Variants in JAKMIP1 observed in about 807,000 individuals in gnomAD.
The protein encoded by JAKMIP1 is janus kinase and microtubule-interacting protein 1.
Under a neutral mutation model 113.0 loss-of-function variants are expected in JAKMIP1, and 33 were observed. The ratio of observed to expected loss-of-function variants is 0.29; its 90% CI spans 0.22 to 0.39. The LOEUF (loss-of-function observed/expected upper bound fraction) is 0.39. JAKMIP1 is among the 10% of genes least tolerant of loss of function. The pLI, the probability that JAKMIP1 is intolerant of heterozygous loss-of-function variation, is 1.00. For synonymous variants in JAKMIP1, 480 were observed against 459.9 expected, an observed-to-expected ratio of 1.04 and a Z score of -0.56; for missense variants, 813 against 1,080.5, an observed-to-expected ratio of 0.75 and a Z score of 3.47.
intron 12 of JAKMIP1, chr4:6,054,635 C>A: frequency 2.4e-6 from 1 of 414,984 alleles, no homozygotes; most frequent in Non-Finnish European, 4.9e-6. Flanking sequence ...CAGAAGAAGC[C>A]GTAAAGGCAG....
At chr4:6,125,349 A>T (rs1287695562) in intron 1 of JAKMIP1, among the ~76,000 whole-genome samples, 1 of 152,028 alleles carries the variant, frequency 6.6e-6, no homozygotes, top group African/African-American at 2.4e-5. Context: ...CCCTCCCCGC[A>T]GACAGGGCCA....
chr4:6,146,581 A>G (rs1002381625), intron 1 of JAKMIP1, among the ~76,000 whole-genome samples: 4 of 152,196 alleles, frequency 2.6e-5, no homozygotes, highest in Non-Finnish European at 5.9e-5. Context: ...GGCATGAGCC[A>G]CTGTGCCCAG....
chr4:6,039,933 CA>C (rs1374896485), intron 18 of JAKMIP1, among the ~76,000 whole-genome samples: 1 of 152,122 alleles, frequency 6.6e-6, no homozygotes, highest in Non-Finnish European at 1.5e-5. Context: ...ATTTTAACTA[CA>C]AATGATCTGG....
chr4:6,111,022 C>G (rs1428934726), intron 2 of JAKMIP1, among the ~76,000 whole-genome samples: 1 of 152,054 alleles, frequency 6.6e-6, no homozygotes, highest in African/African-American at 2.4e-5. Flanking sequence ...ATCTTGAACA[C>G]CTAGGGATGG....
Position 6,069,385 on chromosome 4 carries a change from T to G in JAKMIP1, c.1303-4377A>C, listed in dbSNP as rs1296105551. On this transcript the variant is annotated intron_variant, in intron 8 of 20. Transcript: ENST00000409021. This position sits in a 1 kb window ranked among gnomAD's most constrained non-coding sequence, Gnocchi z 4.5. ...GAATAAAAAGGTAATTCCTCTAGCC[T>G]TCCATGTTCCTTGCAACCAAAGCCT... 1.3e-5 allele frequency among the ~76,000 whole-genome samples: 2 copies of G among 152,246 alleles called. No individual in the cohort carries two copies. Among genetic ancestry groups the G allele is most frequent in the Admixed American group, 6.5e-5 (1 of 15,288 alleles).
chr4:6,080,296 G>C lies in JAKMIP1; in HGVS notation c.1118C>G (p.Ala373Gly). 6.2e-7 allele frequency: 1 copy of C among 1,613,962 alleles called. No individual in the cohort carries two copies. The change falls in exon 7 of 21, where the codon GCG (alanine) becomes GGG (glycine). Residue 373 changes from alanine (A) to glycine (G), a missense_variant. Physicochemically the swap from Ala to Gly is moderately conservative, Grantham distance 60 (BLOSUM62 0). Transcript: ENST00000409021. This position sits in a 1 kb window ranked among gnomAD's most constrained non-coding sequence, Gnocchi z 6.0. ...GGTATGCCGCTTCAGAGACGCCTGC[G>C]CTGACAGCTTTTCTTTCTGCAGCCA... ...ENVEMKEKLS[A>G]QASLKRHTSL...
rs1256487851 is a variant in JAKMIP1 at position 6,122,280 on chromosome 4, C to T, written c.-147-9283G>A. Among the ~76,000 whole-genome samples the T allele has an allele frequency of 2.0e-5, 3 of 152,198 alleles. No individual in the cohort carries two copies. In the South Asian group the frequency reaches 6.2e-4, roughly 32 times the overall value. On this transcript the variant is annotated intron_variant, in intron 1 of 20. Transcript: ENST00000409021. ...GGCAGAGGTTGCAGTGAGCCGAGATCGAACCACTGCACTCCAGCCTGGGCG... is the reference window on the plus strand; with the variant it reads ...GGCAGAGGTTGCAGTGAGCCGAGATTGAACCACTGCACTCCAGCCTGGGCG...
chr4:6,064,891 C>A lies in JAKMIP1; in HGVS notation c.1420G>T (p.Asp474Tyr), dbSNP rs1560130513. 20 of 1,614,104 alleles carry A rather than the reference C, an allele frequency of 1.2e-5. No individual in the cohort carries two copies. Among genetic ancestry groups the A allele is most frequent in the Non-Finnish European group, 1.4e-5 (17 of 1,180,028 alleles). ...TDRTPATPEE[D>Y]LDDATAREEA... is the part of the protein sequence containing the mutation. ...GCAGGTTTGCTTACATCGTCCAAGT[C>A]TTCTTCGGGCGTGGCTGGGGTCCTG... The change falls in exon 9 of 21, where the codon GAC becomes TAC. Residue 474 changes from aspartate (D) to tyrosine (Y), a missense_variant. Physicochemically the swap from Asp to Tyr is radical, Grantham distance 160. Transcript: ENST00000409021. This position sits in a 1 kb window ranked among gnomAD's most constrained non-coding sequence, Gnocchi z 4.3.
Position 6,036,110 on chromosome 4 carries a change from G to A in JAKMIP1, c.2176-3C>T. On this transcript the variant is annotated splice_polypyrimidine_tract_variant and splice_region_variant and intron_variant, in intron 18 of 20. Transcript: ENST00000409021. ...GTGGCCTCCAGGTCTTGGATTTTCTGAGGACCCCAGATCACACAGACAGAG... is the reference window on the plus strand; with the variant it reads ...GTGGCCTCCAGGTCTTGGATTTTCTAAGGACCCCAGATCACACAGACAGAG... The A allele has an allele frequency of 1.3e-6, 2 of 1,545,592 alleles. No individual in the cohort carries two copies. Among genetic ancestry groups the A allele is most frequent in the Non-Finnish European group, 1.8e-6 (2 of 1,141,794 alleles).
intron 1 of JAKMIP1, among the ~76,000 whole-genome samples, chr4:6,182,231 G>A (rs57280448): frequency 3.3e-5 from 5 of 151,856 alleles, no homozygotes; most frequent in African/African-American, 1.2e-4. Flanking sequence ...GCAACATAAT[G>A]AGACCTCATC....
At chr4:6,123,011 A>T (rs1320140766) in intron 1 of JAKMIP1, among the ~76,000 whole-genome samples, 4 of 152,240 alleles carry the variant, frequency 2.6e-5, no homozygotes. Context: ...TAACAATTAT[A>T]ATGACTTAAT....
In JAKMIP1 at chr4:6,031,230, C is replaced by T. The variant is rs550725767; in HGVS notation, c.2380-1449G>A. On this transcript the variant is annotated intron_variant, in intron 19 of 20. Transcript: ENST00000409021. This position sits in a 1 kb window ranked among gnomAD's most constrained non-coding sequence, Gnocchi z 4.4. Reference sequence around the variant, plus strand: ...GGTGGATCACCGGAGGTCAGGAGTTCAAGACCAGCCTGACCAACATGGTGA... The same window carrying T: ...GGTGGATCACCGGAGGTCAGGAGTTTAAGACCAGCCTGACCAACATGGTGA... 6.6e-6 allele frequency among the ~76,000 whole-genome samples: 1 copy of T among 152,224 alleles called. No individual in the cohort carries two copies. Among genetic ancestry groups the T allele is most frequent in the Admixed American group, 6.5e-5 (1 of 15,302 alleles).
chr4:6,055,901 G>GC (rs11426607), intron 12 of JAKMIP1, among the ~76,000 whole-genome samples: 8,369 of 131,232 alleles, frequency 0.064, 611 homozygotes, highest in African/African-American at 0.13. Context: ...AGAGGACAGG[G>GC]CTGCCCTCCC....
In JAKMIP1 at chr4:6,178,123, G is replaced by A. The variant is rs1237213184; in HGVS notation, c.-148+22130C>T. Among the ~76,000 whole-genome samples the A allele has an allele frequency of 3.3e-5, 5 of 152,322 alleles. No homozygotes were observed. In the East Asian group the frequency reaches 7.7e-4, roughly 24 times the overall value. ...CCGACCCTCCTCCCTGGAGGGGAGG[G>A]ATAGGAAAGAAGGAAACAGAAGCCC... On this transcript the variant is annotated intron_variant, in intron 1 of 20. Coordinates refer to ENST00000409021, the MANE Select transcript of JAKMIP1 (RefSeq NM_001099433.2). This position sits in a 1 kb window ranked among gnomAD's most constrained non-coding sequence, Gnocchi z 5.5.
At chr4:6,045,558 C>T (rs1714875782) in intron 16 of JAKMIP1, among the ~76,000 whole-genome samples, 1 of 152,190 alleles carries the variant, frequency 6.6e-6, no homozygotes, top group Non-Finnish European at 1.5e-5. Flanking sequence ...CTTCAGGTTG[C>T]ACTTCACCTA....
At position 6,071,674 on chromosome 4, in the gene JAKMIP1, G is replaced by A. The variant is rs961015093; in HGVS notation, c.1303-6666C>T. On this transcript the variant is annotated intron_variant, in intron 8 of 20. Transcript: ENST00000409021. ...CAGTCGGCCTCTGTGGCCAGGTCAGGCTCCCGAGCTCTGCTCTACCCACAC... is the reference window on the plus strand; with the variant it reads ...CAGTCGGCCTCTGTGGCCAGGTCAGACTCCCGAGCTCTGCTCTACCCACAC... Among the ~76,000 whole-genome samples, 5 of 152,320 alleles carry A rather than the reference G, an allele frequency of 3.3e-5. No homozygotes were observed. In the South Asian group the frequency reaches 6.2e-4, roughly 19 times the overall value.
chr4:6,126,509 AACAC>A (rs1717666892), intron 1 of JAKMIP1, among the ~76,000 whole-genome samples: 2 of 130,218 alleles, frequency 1.5e-5, no homozygotes, highest in African/African-American at 5.9e-5. Flanking sequence ...ATCATACAGA[AACAC>A]ACATGCACAC....
chr4:6,026,596 A>T (rs1032723198), intron 20 of JAKMIP1, among the ~76,000 whole-genome samples: 5 of 151,904 alleles, frequency 3.3e-5, no homozygotes, highest in Admixed American at 6.6e-5. Context: ...TTCATGCAGA[A>T]CTTGGGCAGG....
chr4:6,080,495 G>A lies in JAKMIP1; in HGVS notation c.1102-183C>T, dbSNP rs1482913875. 6.6e-6 allele frequency among the ~76,000 whole-genome samples: 1 copy of A among 152,134 alleles called. No homozygotes were observed. Among genetic ancestry groups the A allele is most frequent in the East Asian group, 1.9e-4 (1 of 5,190 alleles). On this transcript the variant is annotated intron_variant, in intron 6 of 20. Transcript: ENST00000409021. This position sits in a 1 kb window ranked among gnomAD's most constrained non-coding sequence, Gnocchi z 6.0. Reference sequence around the variant, plus strand: ...ATCTCATCTTGAATTGCGGCTCCCAGAACTCCCGTGTGTTGTGGGAGGGGC... The same window carrying A: ...ATCTCATCTTGAATTGCGGCTCCCAAAACTCCCGTGTGTTGTGGGAGGGGC...
Sources: allele counts gnomAD v4.1 joint callset (sites outside exome capture counted in the v4.1 genomes callset), GRCh38; gene constraint gnomAD v4.1.1; non-coding constraint Gnocchi (gnomAD v3.1); transcripts MANE v1.5; gene names NCBI Gene and HGNC (gene_info 2026-07-23, HGNC 2026-07-21).